The following QTMAN variants were observed in gnomAD, a reference collection of about 807,000 sequenced individuals.
QTMAN encodes the protein queuosine-tRNA mannosyltransferase, also known as tRNA-queuosine alpha-mannosyltransferase.
chr2:144,037,017 GCAAA>G, the QTMAN span, among the ~76,000 whole-genome samples: 2 of 152,126 alleles, frequency 1.3e-5, no homozygotes, highest in African/African-American at 2.4e-5. Context: ...GAAACAAGAT[GCAAA>G]CAGTCACATA....
chr2:143,969,865 A>G, the QTMAN span, among the ~76,000 whole-genome samples: 1 of 152,212 alleles, frequency 6.6e-6, no homozygotes, highest in Non-Finnish European at 1.5e-5. Context: ...TACTAGAATC[A>G]AGAAGCACTT....
At chr2:144,036,463 T>C in the QTMAN span, among the ~76,000 whole-genome samples, 1 of 152,172 alleles carries the variant, frequency 6.6e-6, no homozygotes, top group Non-Finnish European at 1.5e-5. Flanking sequence ...GCTATCTAAG[T>C]AGGCTTTGTG....
At chr2:143,964,609 C>T in the QTMAN span, among the ~76,000 whole-genome samples, 529 of 152,092 alleles carry the variant, frequency 3.5e-3, 6 homozygotes, top group African/African-American at 0.012. Context: ...AGTATAGCTG[C>T]TCTGATGAAA....
chr2:144,084,244 T>G, the QTMAN span, among the ~76,000 whole-genome samples: 2 of 152,226 alleles, frequency 1.3e-5, no homozygotes, highest in Non-Finnish European at 2.9e-5. Flanking sequence ...CAGGATATCA[T>G]CCAGAAGCTA....
chr2:144,118,319 T>G, the QTMAN span, among the ~76,000 whole-genome samples: 1 of 152,268 alleles, frequency 6.6e-6, no homozygotes, highest in South Asian at 2.1e-4. Flanking sequence ...AAAGTTACAG[T>G]AAGCAACTAC....
chr2:143,938,656 TTCA>T, the QTMAN span: 4 of 152,228 alleles, frequency 2.6e-5, no homozygotes, highest in Admixed American at 2.6e-4. Context: ...AATTTTTTTT[TTCA>T]TCAATGCCAT....
At chr2:144,029,749 ACTTT>A in the QTMAN span, among the ~76,000 whole-genome samples, 1 of 151,998 alleles carries the variant, frequency 6.6e-6, no homozygotes, top group Admixed American at 6.5e-5. Flanking sequence ...CTTTTTTTTC[ACTTT>A]CTCTTAGTCA....
the QTMAN span, among the ~76,000 whole-genome samples, chr2:144,047,563 T>A: frequency 2.6e-5 from 4 of 152,176 alleles, no homozygotes; most frequent in Non-Finnish European, 4.4e-5. Context: ...TCTACCTACC[T>A]ACCTACCTCT....
chr2:144,121,263 C>G, the QTMAN span, among the ~76,000 whole-genome samples: 1 of 152,140 alleles, frequency 6.6e-6, no homozygotes, highest in South Asian at 2.1e-4. Flanking sequence ...TACCCTCGCA[C>G]AGTATGCAGT....
the QTMAN span, among the ~76,000 whole-genome samples, chr2:143,948,091 T>G: frequency 1.3e-5 from 2 of 152,182 alleles, no homozygotes; most frequent in African/African-American, 4.8e-5. Flanking sequence ...CAACACCTTA[T>G]TCAAATCTAG....
chr2:144,029,211 A>C, the QTMAN span, among the ~76,000 whole-genome samples: 1 of 152,194 alleles, frequency 6.6e-6, no homozygotes, highest in Non-Finnish European at 1.5e-5. Context: ...TTTCACACTG[A>C]GACTAACTTC....
the QTMAN span, among the ~76,000 whole-genome samples, chr2:144,070,954 C>T: frequency 6.6e-6 from 1 of 152,054 alleles, no homozygotes; most frequent in African/African-American, 2.4e-5. Context: ...AATAGGAACA[C>T]AGATCAAAAT....
At chr2:144,241,855 A>T in the QTMAN span, among the ~76,000 whole-genome samples, 1 of 152,224 alleles carries the variant, frequency 6.6e-6, no homozygotes, top group African/African-American at 2.4e-5. Flanking sequence ...ATACAAAAAA[A>T]AAAATGAAAA....
the QTMAN span, chr2:144,145,790 T>A: frequency 6.8e-7 from 1 of 1,473,250 alleles, no homozygotes; most frequent in South Asian, 1.2e-5. Flanking sequence ...TTTGAAGGGA[T>A]CATGCTTTGC....
chr2:144,022,825 G>A, the QTMAN span, among the ~76,000 whole-genome samples: 1 of 151,938 alleles, frequency 6.6e-6, no homozygotes, highest in Non-Finnish European at 1.5e-5. Flanking sequence ...GCCTCCCAAA[G>A]TGTTGGGATT....
chr2:144,006,938 C>T, the QTMAN span: 1 of 372,704 alleles, frequency 2.7e-6, no homozygotes. Flanking sequence ...AAGTGCCTAC[C>T]CACTACTGTT....
the QTMAN span, among the ~76,000 whole-genome samples, chr2:144,218,609 G>A: frequency 2.6e-5 from 4 of 152,158 alleles, no homozygotes; most frequent in Admixed American, 2.0e-4. Flanking sequence ...ACTCAAACAT[G>A]TTTTAATAAC....
At chr2:143,984,290 T>C in the QTMAN span, among the ~76,000 whole-genome samples, 1 of 152,090 alleles carries the variant, frequency 6.6e-6, no homozygotes, top group Non-Finnish European at 1.5e-5. Flanking sequence ...TCAAAAACCC[T>C]AAATCACACA....
At chr2:144,127,416 G>A in the QTMAN span, among the ~76,000 whole-genome samples, 5 of 151,984 alleles carry the variant, frequency 3.3e-5, no homozygotes, top group Non-Finnish European at 5.9e-5. Context: ...AAATGACTAG[G>A]ACTTACATTG....
Sources: gnomAD v4.1 joint callset for allele counts (sites outside exome capture counted in the v4.1 genomes callset) on GRCh38, gnomAD v4.1.1 for gene constraint, MANE v1.5 for transcripts, NCBI Gene and HGNC (gene_info 2026-07-23, HGNC 2026-07-21) for gene names.